Variants in CDC42BPB observed in about 807,000 individuals in gnomAD.
The protein encoded by CDC42BPB is CDC42 binding protein kinase beta, also known as serine/threonine-protein kinase MRCK beta.
Under a neutral mutation model 214.9 loss-of-function variants are expected in CDC42BPB, and 37 were observed. That is an observed-to-expected ratio of 0.17 (90% CI 0.13 to 0.23). The LOEUF is 0.23. Ranked by LOEUF, CDC42BPB falls within the 10% of genes least tolerant of loss-of-function variation. CDC42BPB has a pLI of 1.00. For missense variants in CDC42BPB, 1,694 were observed against 2,227.0 expected (o/e 0.76, Z 4.82); for synonymous variants, 931 against 884.0 (o/e 1.05, Z -0.94).
chr14:102,999,277 G>C (rs35256586), intron 5 of CDC42BPB, among the ~76,000 whole-genome samples: 4,028 of 151,916 alleles, frequency 0.027, 188 homozygotes, highest in African/African-American at 0.093. Flanking sequence ...GCATTTTAGG[G>C]AGGGGGTCTC....
intron 8 of CDC42BPB, 118 bp downstream of exon 8, chr14:102,980,655 C>G (rs1893955964): frequency 9.3e-6 from 9 of 965,988 alleles, no homozygotes; most frequent in South Asian, 3.1e-5. Context: ...AGCACACTGT[C>G]TTAAGTGCCA....
chr14:102,934,181 T>C, intron 36 of CDC42BPB: 1 of 282,084 alleles, frequency 3.5e-6, no homozygotes, highest in Non-Finnish European at 6.0e-6. Context: ...TGGATCACAC[T>C]TGAGGTCAGG....
In CDC42BPB at chr14:102,943,661, C is replaced by T. The variant is rs930692240; in HGVS notation, c.4408+230G>A. On this transcript the variant is annotated intron_variant, in intron 30 of 36. Coordinates refer to ENST00000361246, the MANE Select transcript of CDC42BPB (RefSeq NM_006035.4). This position sits in a 1 kb window ranked among gnomAD's most constrained non-coding sequence, Gnocchi z 4.6. ...CCTCTGCTGAGGCCTCTGGAAGAAC[C>T]GGCCCCATGTGCTCAGGGAGAGAGG... Among the ~76,000 whole-genome samples the T allele has an allele frequency of 2.0e-5, 3 of 152,150 alleles. No homozygotes were observed. Among genetic ancestry groups the T allele is most frequent in the Admixed American group, 6.5e-5 (1 of 15,278 alleles).
At chr14:103,005,024 T>C (rs1023452999) in intron 3 of CDC42BPB, among the ~76,000 whole-genome samples, 1 of 150,798 alleles carries the variant, frequency 6.6e-6, no homozygotes, top group Non-Finnish European at 1.5e-5. Flanking sequence ...AAAAATTAGC[T>C]GGGTGTGGTG....
intron 5 of CDC42BPB, 32 bp downstream of exon 5, chr14:102,999,533 G>A (rs746748599): frequency 1.1e-5 from 18 of 1,607,670 alleles, no homozygotes; most frequent in Non-Finnish European, 1.4e-5. Flanking sequence ...AATTAAACGT[G>A]GTTTCCATAA....
rs971251417 is a variant in CDC42BPB at position 103,053,618 on chromosome 14, C to T, written c.175+3381G>A. Among the ~76,000 whole-genome samples the T allele has an allele frequency of 7.9e-5, 12 of 151,370 alleles. No homozygotes were observed. In the East Asian group the frequency reaches 2.2e-3, roughly 28 times the overall value. ...CTACTAAAAATACAAAAAAATTAGC[C>T]AGGCGTGATGGCGGGCGCCTGTAGT... On this transcript the variant is annotated intron_variant, in intron 1 of 36. Coordinates refer to ENST00000361246, the MANE Select transcript of CDC42BPB (RefSeq NM_006035.4).
In CDC42BPB at chr14:103,053,325, C is replaced by A. The variant is rs569015258; in HGVS notation, c.175+3674G>T. 2.8e-3 allele frequency among the ~76,000 whole-genome samples: 425 copies of A among 151,034 alleles called. 2 individuals are homozygous for A. Among genetic ancestry groups the A allele is most frequent in the Non-Finnish European group, 5.2e-3 (352 of 67,782 alleles). On this transcript the variant is annotated intron_variant, in intron 1 of 36. Coordinates refer to ENST00000361246, the MANE Select transcript of CDC42BPB (RefSeq NM_006035.4). ...TCGCACCACTGCACTTCAGCCTGGG[C>A]AACAGAGTGAGACTCCGTCTCAAAA...
At position 103,021,799 on chromosome 14, in the gene CDC42BPB, C is replaced by G. The variant is rs538169685; in HGVS notation, c.176-9611G>C. Among the ~76,000 whole-genome samples the G allele has an allele frequency of 2.6e-5, 4 of 152,004 alleles. No homozygotes were observed. The South Asian group carries it at 8.3e-4, about 32-fold the overall frequency. ...CAGAGCGGGGGTCGTGTGGTACAGGCGGGGATCATGTGGTGCAGGCGATAG... is the reference window on the plus strand; with the variant it reads ...CAGAGCGGGGGTCGTGTGGTACAGGGGGGGATCATGTGGTGCAGGCGATAG... On this transcript the variant is annotated intron_variant, in intron 1 of 36. Transcript: ENST00000361246.
At chr14:103,006,849 A>G (rs1320964777) in intron 3 of CDC42BPB, among the ~76,000 whole-genome samples, 1 of 152,228 alleles carries the variant, frequency 6.6e-6, no homozygotes, top group African/African-American at 2.4e-5. Context: ...TAAATCAGCA[A>G]TATTTACTCT....
At chr14:102,968,906 C>T (rs1006554326) in intron 14 of CDC42BPB, 190 bp from the exon 15 acceptor site, 2 of 985,314 alleles carry the variant, frequency 2.0e-6, no homozygotes, top group Non-Finnish European at 2.4e-6. Flanking sequence ...CAGGAGACGG[C>T]CTTGCAGGGG....
chr14:102,972,285 C>A lies in CDC42BPB; in HGVS notation c.1642-124G>T. 3 of 1,524,130 alleles carry A rather than the reference C, an allele frequency of 2.0e-6. No homozygotes were observed. In the South Asian group the frequency reaches 3.9e-5, roughly 20 times the overall value. 94.4% of individuals were successfully genotyped at this position (1,524,130 alleles called of 1,614,324 possible). On this transcript the variant is annotated intron_variant, in intron 12 of 36. Transcript: ENST00000361246. Reference sequence around the variant, plus strand: ...GCCAATGCTGGTTACAGATTAGAGCCACAGATCTGAGCTGCTTGGAAAAAG... The same window carrying A: ...GCCAATGCTGGTTACAGATTAGAGCAACAGATCTGAGCTGCTTGGAAAAAG...
chr14:103,016,137 C>T (rs1408461803), intron 1 of CDC42BPB, among the ~76,000 whole-genome samples: 2 of 152,262 alleles, frequency 1.3e-5, no homozygotes, highest in East Asian at 1.9e-4. Flanking sequence ...GGCAGCCCCA[C>T]AGGCTGGGTC....
intron 18 of CDC42BPB, among the ~76,000 whole-genome samples, chr14:102,965,042 C>G (rs1039645454): frequency 6.6e-6 from 1 of 152,050 alleles, no homozygotes; most frequent in Non-Finnish European, 1.5e-5. Flanking sequence ...TTTCCTGTCT[C>G]AGCCTCTCCA....
At chr14:102,970,817 A>G (rs1387180241) in intron 13 of CDC42BPB, among the ~76,000 whole-genome samples, 1 of 152,180 alleles carries the variant, frequency 6.6e-6, no homozygotes, top group Non-Finnish European at 1.5e-5. Context: ...CTACAAATAT[A>G]TTTGGGTTGC....
At position 102,965,854 on chromosome 14, in the gene CDC42BPB, G is replaced by T. The variant is rs35559293; in HGVS notation, c.2577+428C>A. On this transcript the variant is annotated intron_variant, in intron 18 of 36. Coordinates refer to ENST00000361246, the MANE Select transcript of CDC42BPB (RefSeq NM_006035.4). ...GCCTGTAATCCCAGCTACTCGGGGG[G>T]GCTGAGGCAGGAGAATCACTTGAAG... Among the ~76,000 whole-genome samples the T allele has an allele frequency of 6.2e-3, 951 of 152,328 alleles. 13 individuals carry two copies. Among genetic ancestry groups the T allele is most frequent in the African/African-American group, 0.022 (903 of 41,568 alleles).
chr14:102,984,249 G>C (rs192644865), intron 6 of CDC42BPB, among the ~76,000 whole-genome samples: 45 of 152,218 alleles, frequency 3.0e-4, no homozygotes, highest in Admixed American at 6.5e-4. Flanking sequence ...GTGATGCAGG[G>C]GCCACATGTG....
At chr14:103,041,375 T>C (rs1887983253) in intron 1 of CDC42BPB, 1 of 520,512 alleles carries the variant, frequency 1.9e-6, no homozygotes, top group Non-Finnish European at 3.4e-6. Context: ...CTTTGTGACC[T>C]TGCACTGCCA....
chr14:103,004,150 C>T lies in CDC42BPB; in HGVS notation c.352-127G>A. The T allele has an allele frequency of 7.1e-7, 1 of 1,406,480 alleles. No individual in the cohort carries two copies. The highest frequency in any genetic ancestry group is 1.5e-5 in the South Asian group (1 of 65,550). The allele number at this position is 1,406,480 out of a possible 1,614,324, so 87.1% of individuals were successfully genotyped here. On this transcript the variant is annotated intron_variant, in intron 3 of 36. Transcript: ENST00000361246. The surrounding 1 kb of genome is among the most constrained non-coding windows in gnomAD (Gnocchi z 5.3). ...GGTGTCCCTGCCTTCCGGGCTCCTC[C>T]TCGTGCACCACCCCGAGGCTGCTGA...
At chr14:102,961,481 T>C (rs1892957257) in intron 20 of CDC42BPB, among the ~76,000 whole-genome samples, 1 of 151,912 alleles carries the variant, frequency 6.6e-6, no homozygotes, top group Admixed American at 6.6e-5. Context: ...ACTATAGGCA[T>C]GCCCCACCAC....
Sources: gnomAD v4.1 joint callset for allele counts (sites outside exome capture counted in the v4.1 genomes callset) on GRCh38, gnomAD v4.1.1 for gene constraint, Gnocchi (gnomAD v3.1) non-coding constraint, MANE v1.5 for transcripts, NCBI Gene and HGNC (gene_info 2026-07-23, HGNC 2026-07-21) for gene names.